The following PELO variants were observed in gnomAD, a reference collection of about 807,000 sequenced individuals.
The protein encoded by PELO is pelota mRNA surveillance and ribosome rescue factor.
Under a neutral mutation model 25.9 loss-of-function variants are expected in PELO, and 19 were observed. That is an observed-to-expected ratio of 0.73 (90% CI 0.51 to 1.08). PELO has a LOEUF of 1.08. Ranked by LOEUF, PELO falls within the 50% of genes least tolerant of loss-of-function variation. The probability of loss-of-function intolerance (pLI) is 0.00; values close to 1 mark genes in which losing one functional copy is unlikely to be tolerated. For synonymous variants in PELO, 196 were observed against 192.2 expected, an observed-to-expected ratio of 1.02 and a Z score of -0.16; for missense variants, 498 against 491.4, an observed-to-expected ratio of 1.01 and a Z score of -0.13.
In PELO at chr5:52,800,570, A is replaced by G. The variant is rs373725475; in HGVS notation, c.176A>G (p.Asn59Ser). 75 of 1,613,564 alleles carry G rather than the reference A, an allele frequency of 4.6e-5. No homozygotes were observed. The highest frequency in any genetic ancestry group is 3.3e-4 in the Middle Eastern group (2 of 6,084). Residue 59 changes from asparagine (N) to serine (S), a missense_variant, in exon 2 of 3, where the codon AAC becomes AGC. Asn to Ser is a conservative substitution (Grantham distance 46). Transcript: ENST00000274311. ...TESSTGSVGS[N>S]RVRTTLTLCV... ...TCCTCCACGGGCAGCGTGGGCAGCA[A>G]CCGGGTCCGCACTACCCTCACTCTC...
rs148946513 is a variant in PELO, at chr5:52,801,486, C to T, written c.804C>T (p.Asp268=). Residue 268 remains aspartate, a synonymous_variant, in exon 3 of 3, where the codon GAC becomes GAT. Coordinates refer to ENST00000274311, the MANE Select transcript of PELO (RefSeq NM_015946.5). ...CTACTGTGGCTAGCCGCCTTTCAGA[C>T]ACTAAAGCTGCTGGGGAAGTCAAAG... ...CDPTVASRLS[D]TKAAGEVKAL... 5 of 1,614,048 alleles carry T rather than the reference C, an allele frequency of 3.1e-6. No individual in the cohort carries two copies. In the African/African-American group the frequency reaches 6.7e-5, roughly 22 times the overall value.
In PELO at chr5:52,802,631, T is replaced by G. The variant is rs1748512577; in HGVS notation, c.*791T>G. ...TTATGTGGCTAATTAGTGGCAAAGCTGGAAGTCATTCCCAGTCTGGACTTT... is the reference window on the plus strand; with the variant it reads ...TTATGTGGCTAATTAGTGGCAAAGCGGGAAGTCATTCCCAGTCTGGACTTT... On this transcript the variant is annotated 3_prime_UTR_variant, in exon 3 of 3. Coordinates refer to ENST00000274311, the MANE Select transcript of PELO (RefSeq NM_015946.5). The G allele has an allele frequency of 6.6e-6, 1 of 152,234 alleles. No homozygotes were observed. The highest frequency in any genetic ancestry group is 1.5e-5 in the Non-Finnish European group (1 of 68,044). The allele number at this position is 152,234 out of a possible 1,614,324, so 9.4% of individuals were successfully genotyped here. A position where few individuals can be genotyped will look rare whatever the true frequency, so the allele number is the denominator to read the frequency against.
At chr5:52,789,040 A>G (rs1390852495) in intron 1 of PELO, among the ~76,000 whole-genome samples, 1 of 152,244 alleles carries the variant, frequency 6.6e-6, no homozygotes, top group Non-Finnish European at 1.5e-5. Flanking sequence ...GTCTACTTTT[A>G]AGATGCAAAA....
Position 52,801,590 on chromosome 5 carries a change from A to T in PELO, c.908A>T (p.Asn303Ile). 6.2e-7 allele frequency: 1 copy of T among 1,614,124 alleles called. No individual in the cohort carries two copies. Among genetic ancestry groups the T allele is most frequent in the Non-Finnish European group, 8.5e-7 (1 of 1,179,956 alleles). The change falls in exon 3 of 3, where the codon AAT (asparagine) becomes ATT (isoleucine). Residue 303 changes from asparagine to isoleucine, a missense_variant. Asn to Ile is a moderately radical substitution (Grantham distance 149). Coordinates refer to ENST00000274311, the MANE Select transcript of PELO (RefSeq NM_015946.5). ...GGACTCAAGCAGGTGGAGAAGGCCA[A>T]TGAAGCCATGGCAATTGACACATTG... ...FYGLKQVEKA[N>I]EAMAIDTLLI...
Position 52,800,377 on chromosome 5 carries a change from T to C in PELO, c.-18T>C, listed in dbSNP as rs762152336. The C allele has an allele frequency of 1.2e-6, 2 of 1,613,336 alleles. No individual in the cohort carries two copies. The highest frequency in any genetic ancestry group is 1.7e-6 in the Non-Finnish European group (2 of 1,179,952). The stretch of plus-strand genomic sequence containing the variant: ...TCCTTGGTTCCTTTGGTTCTGTCAG[T>C]GAGCCCCTTCCTTGGCCATGAAGCT... On this transcript the variant is annotated 5_prime_UTR_variant, in exon 2 of 3. Coordinates refer to ENST00000274311, the MANE Select transcript of PELO (RefSeq NM_015946.5).
intron 1 of PELO, among the ~76,000 whole-genome samples, chr5:52,790,885 T>C (rs966090436): frequency 6.6e-6 from 1 of 152,220 alleles, no homozygotes; most frequent in Non-Finnish European, 1.5e-5. Flanking sequence ...TTTCTTTACT[T>C]TCTCCATAAT....
Position 52,799,997 on chromosome 5 carries a change from C to G in PELO, c.-398C>G. On this transcript the variant is annotated 5_prime_UTR_variant, in exon 2 of 3. Transcript: ENST00000274311. The stretch of plus-strand genomic sequence containing the variant: ...TTCATTCGTCCGGAGCGCCTCACAG[C>G]TTAGTGCGCCTGCGCACGCGCGAAC... 3.6e-6 allele frequency: 1 copy of G among 275,162 alleles called. No homozygotes were observed. The highest frequency in any genetic ancestry group is 7.1e-6 in the Non-Finnish European group (1 of 141,320). The allele number at this position is 275,162 out of a possible 1,614,324, so 17.0% of individuals were successfully genotyped here. A position where few individuals can be genotyped will look rare whatever the true frequency, so the allele number is the denominator to read the frequency against.
rs1748516536 is a variant in PELO, at chr5:52,802,866, A to T, written c.*1026A>T. The stretch of plus-strand genomic sequence containing the variant: ...TTAAACTCCAATACTCTTTACTATC[A>T]TTGACTTAAACTCTGATACTCTTTA... On this transcript the variant is annotated 3_prime_UTR_variant, in exon 3 of 3. Transcript: ENST00000274311. The T allele has an allele frequency of 6.6e-6, 1 of 152,150 alleles. No individual in the cohort carries two copies. Among genetic ancestry groups the T allele is most frequent in the African/African-American group, 2.4e-5 (1 of 41,412 alleles). The allele number at this position is 152,150 out of a possible 1,614,324, so 9.4% of individuals were successfully genotyped here. A position where few individuals can be genotyped will look rare whatever the true frequency, so the allele number is the denominator to read the frequency against.
chr5:52,793,561 T>C (rs1216368860), intron 1 of PELO, among the ~76,000 whole-genome samples: 1 of 152,120 alleles, frequency 6.6e-6, no homozygotes, highest in Non-Finnish European at 1.5e-5. Context: ...CGTCTGAAAA[T>C]TACAATCAAT....
Position 52,800,699 on chromosome 5 carries a change from T to G in PELO, c.305T>G (p.Ile102Ser). 3.1e-6 allele frequency: 5 copies of G among 1,614,146 alleles called. No individual in the cohort carries two copies. Among genetic ancestry groups the G allele is most frequent in the Non-Finnish European group, 4.2e-6 (5 of 1,180,016 alleles). ...GTCAAGATGGGGGCTTACCACACCATCGAGCTGGAGCCCAACCGCCAGTTC... is the reference window on the plus strand; with the variant it reads ...GTCAAGATGGGGGCTTACCACACCAGCGAGCTGGAGCCCAACCGCCAGTTC... ...EYVKMGAYHT[I>S]ELEPNRQFTL... Residue 102 changes from isoleucine to serine, a missense_variant, in exon 2 of 3, where the codon ATC becomes AGC. Coordinates refer to ENST00000274311, the MANE Select transcript of PELO (RefSeq NM_015946.5).
chr5:52,789,489 AT>A (rs1330347644), intron 1 of PELO, among the ~76,000 whole-genome samples: 3 of 152,206 alleles, frequency 2.0e-5, no homozygotes, highest in South Asian at 2.1e-4. Context: ...TATGAAGATG[AT>A]TTAGAAGTTG....
chr5:52,789,478 T>C (rs1580016775), intron 1 of PELO, among the ~76,000 whole-genome samples: 1 of 152,190 alleles, frequency 6.6e-6, no homozygotes, highest in African/African-American at 2.4e-5. Context: ...TTGTTAAGTT[T>C]TATGAAGATG....
chr5:52,795,652 C>T (rs952939208), intron 1 of PELO, among the ~76,000 whole-genome samples: 1 of 151,854 alleles, frequency 6.6e-6, no homozygotes, highest in Non-Finnish European at 1.5e-5. Context: ...AGTTATTTTT[C>T]CAAGGCTGAA....
intron 1 of PELO, among the ~76,000 whole-genome samples, chr5:52,799,683 C>A (rs866256196): frequency 2.0e-5 from 3 of 152,234 alleles, no homozygotes; most frequent in African/African-American, 7.2e-5. Context: ...CCAGCTCCAA[C>A]AGGCTTGTAG....
In PELO at chr5:52,788,177, A is replaced by C. The variant is rs2270756; in HGVS notation, c.-748A>C. ...GAAAAGCGTGGAGCGCATTTAGAGG[A>C]ATTCGACGAAAACACAGGAAATCAC... On this transcript the variant is annotated 5_prime_UTR_variant, in exon 1 of 3. Coordinates refer to ENST00000274311, the MANE Select transcript of PELO (RefSeq NM_015946.5). The C allele has an allele frequency of 0.78, 368,474 of 475,042 alleles. 143,415 individuals are homozygous for C. Among genetic ancestry groups the C allele is most frequent in the Non-Finnish European group, 0.79 (211,677 of 268,176 alleles). 29.4% of individuals were successfully genotyped at this position (475,042 alleles called of 1,614,324 possible). A position where few individuals can be genotyped will look rare whatever the true frequency, so the allele number is the denominator to read the frequency against.
chr5:52,800,903 A>G lies in PELO; in HGVS notation c.509A>G (p.Lys170Arg). The G allele has an allele frequency of 6.2e-7, 1 of 1,613,882 alleles. No individual in the cohort carries two copies. The highest frequency in any genetic ancestry group is 8.5e-7 in the Non-Finnish European group (1 of 1,179,860). The part of the protein sequence containing the change: ...RAKVEVNIPR[K>R]RKGNCSQHDR... ...AAGGTGGAGGTGAACATCCCTAGGA[A>G]AAGGAAAGGCAATTGCTCTCAGCAT... Residue 170 changes from lysine to arginine, a missense_variant, in exon 2 of 3, where the codon AAA becomes AGA. Physicochemically the swap from Lys to Arg is conservative, Grantham distance 26. Transcript: ENST00000274311.
At chr5:52,796,846 T>A (rs544943628) in intron 1 of PELO, among the ~76,000 whole-genome samples, 2 of 152,216 alleles carry the variant, frequency 1.3e-5, no homozygotes, top group South Asian at 4.2e-4. Context: ...AAGCTGGACT[T>A]TAAAGATAGG....
chr5:52,792,048 A>C (rs952937536), intron 1 of PELO, among the ~76,000 whole-genome samples: 1 of 152,242 alleles, frequency 6.6e-6, no homozygotes, highest in African/African-American at 2.4e-5. Flanking sequence ...TAATGATACA[A>C]GTCAATCTTT....
At position 52,801,541 on chromosome 5, in the gene PELO, C is replaced by T; in HGVS notation, c.859C>T (p.His287Tyr). The change falls in exon 3 of 3, where the codon CAT becomes TAT. Residue 287 changes from histidine to tyrosine, a missense_variant. Transcript: ENST00000274311. ...GGATGACTTCTATAAAATGTTACAG[C>T]ATGAACCGGATCGAGCTTTCTATGG... is the stretch of plus-strand genomic sequence containing the variant. ...ALDDFYKMLQHEPDRAFYGLK... is the reference protein window; with the variant it reads ...ALDDFYKMLQYEPDRAFYGLK... The T allele has an allele frequency of 6.2e-7, 1 of 1,614,160 alleles. No individual in the cohort carries two copies. The highest frequency in any genetic ancestry group is 8.5e-7 in the Non-Finnish European group (1 of 1,180,022).
Sources: allele counts gnomAD v4.1 joint callset (sites outside exome capture counted in the v4.1 genomes callset), GRCh38; gene constraint gnomAD v4.1.1; transcripts MANE v1.5; gene names NCBI Gene and HGNC (gene_info 2026-07-23, HGNC 2026-07-21).